The following DNMT3A variants were observed in gnomAD, a reference collection of about 807,000 sequenced individuals.
The protein encoded by DNMT3A is DNA (cytosine-5)-methyltransferase 3A.
DNMT3A carries 267 observed loss-of-function variants against 117.6 expected under a neutral mutation model. The observed-to-expected ratio is 2.27, with a 90% CI of 2.05 to 2.51. DNMT3A has a LOEUF of 2.51. Ranked by LOEUF, DNMT3A falls within the 30% of genes most tolerant of loss-of-function variation. The probability of loss-of-function intolerance (pLI) is 0.00; values close to 1 mark genes in which losing one functional copy is unlikely to be tolerated. For missense variants in DNMT3A, 1,029 were observed against 1,260.2 expected (o/e 0.82, Z 2.78); for synonymous variants, 432 against 474.8 (o/e 0.91, Z 1.17).
Position 25,244,578 on chromosome 2 carries a change from GC to G in DNMT3A, c.1628del (p.Gly543AlafsTer108), listed in dbSNP as rs1164367418. The G allele has an allele frequency of 1.2e-6, 2 of 1,614,008 alleles. No homozygotes were observed. The highest frequency in any genetic ancestry group is 1.7e-6 in the Non-Finnish European group (2 of 1,180,014). On this transcript the variant is annotated frameshift_variant, in exon 14 of 23. Transcript: ENST00000321117. LOFTEE classifies it high-confidence loss of function. The part of the protein sequence containing the change: ...YQSYCTICCG[G>X]REVLMCGNNN... ...TGTTTCCGCACATGAGCACCTCACG[GC>G]CCCCACAGCAGATGGTGCAGTAGGA... is the stretch of plus-strand genomic sequence containing the variant.
chr2:25,264,132 GTTTTTTTTTTTT>G (rs1175186554), intron 6 of DNMT3A, among the ~76,000 whole-genome samples: 2 of 73,740 alleles, frequency 2.7e-5, no homozygotes, highest in Non-Finnish European at 4.7e-5. Context: ...CAACCCTTTG[GTTTTTTTTTTTT>G]TTTTTTTTTT....
chr2:25,282,287 TC>T lies in DNMT3A; in HGVS notation c.448+153del. On this transcript the variant is annotated intron_variant, in intron 4 of 22. Coordinates refer to ENST00000321117, the MANE Select transcript of DNMT3A (RefSeq NM_022552.5). This position sits in a 1 kb window ranked among gnomAD's most constrained non-coding sequence, Gnocchi z 5.2. ...AAATAAAACATATGCGCAGGCTGCA[TC>T]CAGCCAGTAGCCTCCAGGCCATAGC... 6.9e-7 allele frequency: 1 copy of T among 1,443,690 alleles called. No homozygotes were observed. The allele number at this position is 1,443,690 out of a possible 1,614,324, so 89.4% of individuals were successfully genotyped here. A position where few individuals can be genotyped will look rare whatever the true frequency, so the allele number is the denominator to read the frequency against.
rs751997030 is a variant in DNMT3A, at chr2:25,234,178, T to C, written c.*101A>G. ...TTCCTTTTTCTCTTCTGGGTGCTGA[T>C]ACTTCTCTCCATCCTCATGTTCTTG... On this transcript the variant is annotated 3_prime_UTR_variant, in exon 23 of 23. Coordinates refer to ENST00000321117, the MANE Select transcript of DNMT3A (RefSeq NM_022552.5). The surrounding 1 kb of genome is among the most constrained non-coding windows in gnomAD (Gnocchi z 4.5). 21 of 1,493,404 alleles carry C rather than the reference T, an allele frequency of 1.4e-5. No individual in the cohort carries two copies. The highest frequency in any genetic ancestry group is 4.3e-5 in the Admixed American group (2 of 46,628). 92.5% of individuals were successfully genotyped at this position (1,493,404 alleles called of 1,614,324 possible).
At chr2:25,241,842 C>G (rs561149827) in intron 16 of DNMT3A, 135 bp from the exon 17 acceptor site, 4 of 1,152,044 alleles carry the variant, frequency 3.5e-6, no homozygotes, top group Middle Eastern at 2.0e-4. Flanking sequence ...CCTGAAGATG[C>G]CTTAAATCCT....
rs1248530174 is a variant in DNMT3A at position 25,298,299 on chromosome 2, G to C, written c.177+1840C>G. Among the ~76,000 whole-genome samples, 1 of 152,112 alleles carries C rather than the reference G, an allele frequency of 6.6e-6. No homozygotes were observed. The highest frequency in any genetic ancestry group is 2.4e-5 in the African/African-American group (1 of 41,420). On this transcript the variant is annotated intron_variant, in intron 3 of 22. Coordinates refer to ENST00000321117, the MANE Select transcript of DNMT3A (RefSeq NM_022552.5). The surrounding 1 kb of genome is among the most constrained non-coding windows in gnomAD (Gnocchi z 4.3). ...CTGCCGGCCCCTCTCCCCTCACTCG[G>C]CTGTGCCCCTCTTCTCTGTCATTGT...
intron 6 of DNMT3A, among the ~76,000 whole-genome samples, chr2:25,256,463 T>C (rs1676149929): frequency 6.6e-6 from 1 of 152,234 alleles, no homozygotes; most frequent in African/African-American, 2.4e-5. Flanking sequence ...AGCCTTGCAC[T>C]GTCCAGGATG....
At chr2:25,239,657 G>C (rs752415519) in intron 19 of DNMT3A, 1 of 452,986 alleles carries the variant, frequency 2.2e-6, no homozygotes, top group Non-Finnish European at 4.6e-6. Flanking sequence ...GAGTATGGGT[G>C]TGTTTACCAT....
At chr2:25,297,507 GTTTT>G (rs1184125497) in intron 3 of DNMT3A, among the ~76,000 whole-genome samples, 2 of 123,448 alleles carry the variant, frequency 1.6e-5, no homozygotes, top group Non-Finnish European at 1.7e-5. Context: ...GCTCTGCATT[GTTTT>G]TTTTTTTTTT....
chr2:25,260,663 A>T (rs1676520123), intron 6 of DNMT3A, among the ~76,000 whole-genome samples: 1 of 152,144 alleles, frequency 6.6e-6, no homozygotes, highest in African/African-American at 2.4e-5. Flanking sequence ...GCTACTGAAG[A>T]ATGGCAAGTC....
At chr2:25,268,195 T>A (rs1211145954) in intron 6 of DNMT3A, among the ~76,000 whole-genome samples, 2 of 152,084 alleles carry the variant, frequency 1.3e-5, no homozygotes, top group Non-Finnish European at 2.9e-5. Context: ...TTATTAAGCA[T>A]CTAATAAGTA....
In DNMT3A at chr2:25,282,734, C is replaced by G. The variant is rs1380740675; in HGVS notation, c.178-23G>C. On this transcript the variant is annotated intron_variant, in intron 3 of 22. Coordinates refer to ENST00000321117, the MANE Select transcript of DNMT3A (RefSeq NM_022552.5). The surrounding 1 kb of genome is among the most constrained non-coding windows in gnomAD (Gnocchi z 5.2). Reference sequence around the variant, plus strand: ...CACCTGCAAATGTAAGAAAGATACACAAGAGGAGGGTTAGATCAGTGGGCT... The same window carrying G: ...CACCTGCAAATGTAAGAAAGATACAGAAGAGGAGGGTTAGATCAGTGGGCT... 3.3e-6 allele frequency: 5 copies of G among 1,514,048 alleles called. No homozygotes were observed. Among genetic ancestry groups the G allele is most frequent in the African/African-American group, 1.4e-5 (1 of 71,606 alleles). The allele number at this position is 1,514,048 out of a possible 1,614,324, so 93.8% of individuals were successfully genotyped here. A position where few individuals can be genotyped will look rare whatever the true frequency, so the allele number is the denominator to read the frequency against.
chr2:25,299,520 C>T (rs887897591), intron 3 of DNMT3A, among the ~76,000 whole-genome samples: 1 of 152,220 alleles, frequency 6.6e-6, no homozygotes, highest in Non-Finnish European at 1.5e-5. Context: ...CTGGCAGGCC[C>T]TCTTGCTTCC....
intron 2 of DNMT3A, among the ~76,000 whole-genome samples, chr2:25,301,672 C>A (rs537484779): frequency 6.6e-6 from 1 of 152,242 alleles, no homozygotes; most frequent in East Asian, 1.9e-4. Flanking sequence ...ATGACTAATC[C>A]CCAGCAGAAA....
chr2:25,320,883 G>C (rs1394799931), intron 1 of DNMT3A, among the ~76,000 whole-genome samples: 4 of 152,134 alleles, frequency 2.6e-5, no homozygotes, highest in African/African-American at 9.7e-5. Context: ...TGTAATCCCA[G>C]CACTTTGGGA....
At chr2:25,243,854 C>T (rs989521772) in intron 16 of DNMT3A, 44 bp downstream of exon 16, 2 of 1,550,004 alleles carry the variant, frequency 1.3e-6, no homozygotes, top group Non-Finnish European at 1.7e-6. Flanking sequence ...GCTCCCCCAT[C>T]CTGGGACAAG....
rs1213185297 is a variant in DNMT3A at position 25,236,896 on chromosome 2, T to C, written c.2478+40A>G. The C allele has an allele frequency of 6.3e-7, 1 of 1,594,310 alleles. No individual in the cohort carries two copies. Among genetic ancestry groups the C allele is most frequent in the East Asian group, 2.2e-5 (1 of 44,534 alleles). On this transcript the variant is annotated intron_variant, in intron 21 of 22. Transcript: ENST00000321117. The surrounding 1 kb of genome is among the most constrained non-coding windows in gnomAD (Gnocchi z 4.5). Reference sequence around the variant, plus strand: ...CTCCACCTCATCCTGCCCTTCCTTCTCCCTGCCCCCCAGCAGAGGTTCTAG... The same window carrying C: ...CTCCACCTCATCCTGCCCTTCCTTCCCCCTGCCCCCCAGCAGAGGTTCTAG...
At chr2:25,278,037 A>ACG (rs2031589335) in intron 4 of DNMT3A, among the ~76,000 whole-genome samples, 1 of 83,902 alleles carries the variant, frequency 1.2e-5, no homozygotes, top group Non-Finnish European at 2.8e-5. Context: ...ACACACACAC[A>ACG]CAGACACACA....
intron 2 of DNMT3A, among the ~76,000 whole-genome samples, chr2:25,313,629 G>A (rs143746286): frequency 2.0e-3 from 305 of 152,272 alleles, no homozygotes; most frequent in African/African-American, 7.1e-3. Context: ...CTGTGAGGCC[G>A]AACCCTCACA....
Position 25,236,812 on chromosome 2 carries a change from C to T in DNMT3A, c.2478+124G>A, listed in dbSNP as rs1487443931. 3.5e-5 allele frequency: 37 copies of T among 1,063,064 alleles called. No individual in the cohort carries two copies. Among genetic ancestry groups the T allele is most frequent in the Non-Finnish European group, 4.9e-5 (36 of 742,230 alleles). 65.9% of individuals were successfully genotyped at this position (1,063,064 alleles called of 1,614,324 possible). On this transcript the variant is annotated intron_variant, in intron 21 of 22. Transcript: ENST00000321117. This position sits in a 1 kb window ranked among gnomAD's most constrained non-coding sequence, Gnocchi z 4.5. ...CCTGCTGCATGACCCTGCACCGTCTCCTAAATTGCATTCTCCACACTAGCT... is the reference window on the plus strand; with the variant it reads ...CCTGCTGCATGACCCTGCACCGTCTTCTAAATTGCATTCTCCACACTAGCT...
Sources: gnomAD v4.1 joint callset for allele counts (sites outside exome capture counted in the v4.1 genomes callset) on GRCh38, gnomAD v4.1.1 for gene constraint, Gnocchi (gnomAD v3.1) non-coding constraint, MANE v1.5 for transcripts, NCBI Gene and HGNC (gene_info 2026-07-23, HGNC 2026-07-21) for gene names.